REDIC1: variants seen among roughly 807,000 people sequenced by gnomAD.
REDIC1 encodes the protein regulator of DNA class I crossover intermediates 1, also known as HEI10 Interacting Protein 1.
the REDIC1 span, chr12:39,683,176 C>CT: frequency 6.6e-7 from 1 of 1,515,708 alleles, no homozygotes. Flanking sequence ...ATTACATATT[C>CT]TTTTTTTCTT....
At chr12:39,735,420 G>T in the REDIC1 span, among the ~76,000 whole-genome samples, 2 of 152,158 alleles carry the variant, frequency 1.3e-5, no homozygotes, top group African/African-American at 4.8e-5. Context: ...AATAGGAATA[G>T]AAAATGATGT....
the REDIC1 span, among the ~76,000 whole-genome samples, chr12:39,630,292 C>A: frequency 6.6e-6 from 1 of 152,140 alleles, no homozygotes; most frequent in East Asian, 1.9e-4. Context: ...GGCTATAGAT[C>A]TATAAATATA....
chr12:39,853,607 C>CTTTTTTTTTTTT, the REDIC1 span, among the ~76,000 whole-genome samples: 1 of 136,140 alleles, frequency 7.3e-6, no homozygotes, highest in African/African-American at 2.7e-5. Flanking sequence ...TTCTTTCTTT[C>CTTTTTTTTTTTT]TTTTTTTTTT....
At chr12:39,767,615 C>CT in the REDIC1 span, among the ~76,000 whole-genome samples, 1 of 152,146 alleles carries the variant, frequency 6.6e-6, no homozygotes, top group Non-Finnish European at 1.5e-5. Flanking sequence ...GCAGTTTCAT[C>CT]TACATTGAAA....
At chr12:39,717,519 G>A in the REDIC1 span, among the ~76,000 whole-genome samples, 1 of 152,012 alleles carries the variant, frequency 6.6e-6, no homozygotes, top group South Asian at 2.1e-4. Flanking sequence ...GGAGAAGGGA[G>A]AGGCAGAGTT....
At chr12:39,693,186 C>T in the REDIC1 span, among the ~76,000 whole-genome samples, 1 of 152,014 alleles carries the variant, frequency 6.6e-6, no homozygotes, top group Admixed American at 6.6e-5. Flanking sequence ...TTGTGTGTAG[C>T]AAATACTTCA....
the REDIC1 span, among the ~76,000 whole-genome samples, chr12:39,728,681 C>T: frequency 6.6e-6 from 1 of 151,928 alleles, no homozygotes; most frequent in South Asian, 2.1e-4. Context: ...AGTGAAGAGT[C>T]CCTCTTTTTC....
the REDIC1 span, among the ~76,000 whole-genome samples, chr12:39,786,406 C>T: frequency 6.0e-4 from 1 of 1,656 alleles, no homozygotes; most frequent in Non-Finnish European, 1.5e-3. Context: ...CCATGTGGAA[C>T]TGTGAGTCCA....
chr12:39,709,394 A>T, the REDIC1 span, among the ~76,000 whole-genome samples: 2 of 151,746 alleles, frequency 1.3e-5, no homozygotes, highest in Non-Finnish European at 2.9e-5. Context: ...CATAAAATTT[A>T]TCCTCTCAAC....
the REDIC1 span, among the ~76,000 whole-genome samples, chr12:39,801,906 C>T: frequency 1.3e-5 from 2 of 152,132 alleles, no homozygotes; most frequent in East Asian, 3.9e-4. Context: ...ATTATTGAAC[C>T]AGGCACCATT....
the REDIC1 span, chr12:39,647,879 G>T: frequency 6.2e-7 from 1 of 1,607,602 alleles, no homozygotes; most frequent in Non-Finnish European, 8.5e-7. Context: ...TTTTTCAGTG[G>T]AGTTACCTTC....
chr12:39,761,675 G>A, the REDIC1 span, among the ~76,000 whole-genome samples: 6 of 151,934 alleles, frequency 3.9e-5, no homozygotes, highest in African/African-American at 1.4e-4. Flanking sequence ...TCTGAGTACA[G>A]ATATGCAAGA....
At chr12:39,736,262 C>G in the REDIC1 span, among the ~76,000 whole-genome samples, 1 of 152,208 alleles carries the variant, frequency 6.6e-6, no homozygotes, top group Non-Finnish European at 1.5e-5. Context: ...CCTTTATGGA[C>G]TATTGCCTTT....
chr12:39,649,461 T>C, the REDIC1 span, among the ~76,000 whole-genome samples: 2 of 151,856 alleles, frequency 1.3e-5, no homozygotes, highest in Non-Finnish European at 2.9e-5. Context: ...GGATAAAGTT[T>C]TGCACCTCTG....
At chr12:39,670,304 C>T in the REDIC1 span, among the ~76,000 whole-genome samples, 1 of 152,168 alleles carries the variant, frequency 6.6e-6, no homozygotes, top group Non-Finnish European at 1.5e-5. Context: ...AATTCTTGTG[C>T]CTCAGCCTCC....
chr12:39,704,888 C>T, the REDIC1 span, among the ~76,000 whole-genome samples: 1 of 151,666 alleles, frequency 6.6e-6, no homozygotes, highest in Admixed American at 6.6e-5. Flanking sequence ...CACATGGACA[C>T]AGGAAGGGGA....
the REDIC1 span, among the ~76,000 whole-genome samples, chr12:39,837,803 A>G: frequency 6.6e-6 from 1 of 152,176 alleles, no homozygotes; most frequent in Non-Finnish European, 1.5e-5. Flanking sequence ...ACCATCTCAC[A>G]CCAGTTAGAA....
chr12:39,647,919 C>CTAA, the REDIC1 span: 2 of 1,606,680 alleles, frequency 1.2e-6, no homozygotes, highest in African/African-American at 2.7e-5. Flanking sequence ...CTAAATTTCA[C>CTAA]ATCTGGAATA....
At chr12:39,725,061 T>G in the REDIC1 span, among the ~76,000 whole-genome samples, 1 of 151,852 alleles carries the variant, frequency 6.6e-6, no homozygotes, top group Non-Finnish European at 1.5e-5. Flanking sequence ...TATATTCTAG[T>G]CCCAACATAA....
Sources: gnomAD v4.1 joint callset for allele counts (sites outside exome capture counted in the v4.1 genomes callset) on GRCh38, gnomAD v4.1.1 for gene constraint, MANE v1.5 for transcripts, NCBI Gene and HGNC (gene_info 2026-07-23, HGNC 2026-07-21) for gene names.